RBFOX1: variants seen among roughly 807,000 people sequenced by gnomAD.
The protein encoded by RBFOX1 is RNA binding protein fox-1 homolog 1.
In RBFOX1, 8 loss-of-function variants were observed where a neutral mutation model predicts 57.7. The ratio of observed to expected loss-of-function variants is 0.14; its 90% CI spans 0.08 to 0.25. The LOEUF is 0.25. Ranked by LOEUF, RBFOX1 falls within the 10% of genes least tolerant of loss-of-function variation. RBFOX1 has a pLI of 1.00. For missense variants in RBFOX1, 611 were observed against 548.5 expected, an observed-to-expected ratio of 1.11 and a Z score of -1.14; for synonymous variants, 326 against 222.4, an observed-to-expected ratio of 1.47 and a Z score of -4.15.
intron 2 of RBFOX1, among the ~76,000 whole-genome samples, chr16:6,365,170 G>C (rs1477293826): frequency 6.6e-6 from 1 of 152,188 alleles, no homozygotes; most frequent in Non-Finnish European, 1.5e-5. Context: ...CTATAAATCT[G>C]TCTGGTAGGG....
chr16:5,940,504 A>T (rs58359429), intron 4 of RBFOX1, among the ~76,000 whole-genome samples: 1 of 152,198 alleles, frequency 6.6e-6, no homozygotes, highest in African/African-American at 2.4e-5. Flanking sequence ...GCCCAGATCT[A>T]TGGGGATATT....
At chr16:7,536,605 A>G (rs1183580584) in intron 5 of RBFOX1, among the ~76,000 whole-genome samples, 2 of 152,196 alleles carry the variant, frequency 1.3e-5, no homozygotes, top group Non-Finnish European at 2.9e-5. Context: ...AAAAAATAAT[A>G]ATAATTAATA....
chr16:7,100,921 A>G (rs1450353846), intron 4 of RBFOX1, among the ~76,000 whole-genome samples: 1 of 152,198 alleles, frequency 6.6e-6, no homozygotes, highest in Non-Finnish European at 1.5e-5. Flanking sequence ...TGCAAGTACA[A>G]GGGATTTTTT....
intron 3 of RBFOX1, among the ~76,000 whole-genome samples, chr16:5,773,383 C>A (rs187324123): frequency 6.6e-6 from 1 of 152,228 alleles, no homozygotes; most frequent in Non-Finnish European, 1.5e-5. Context: ...CACATCCATA[C>A]ACACACATTG....
intron 2 of RBFOX1, among the ~76,000 whole-genome samples, chr16:6,422,528 G>C (rs2093805050): frequency 6.6e-6 from 1 of 152,096 alleles, no homozygotes; most frequent in Non-Finnish European, 1.5e-5. Context: ...TTAAAGAAGA[G>C]AGGTCCATGG....
intron 3 of RBFOX1, among the ~76,000 whole-genome samples, chr16:5,739,360 A>T (rs1298388756): frequency 6.6e-6 from 1 of 152,196 alleles, no homozygotes; most frequent in Non-Finnish European, 1.5e-5. Context: ...AGGCACCGGT[A>T]ATACAGCTGT....
chr16:6,971,843 C>G (rs945073495), intron 3 of RBFOX1, among the ~76,000 whole-genome samples: 4 of 152,048 alleles, frequency 2.6e-5, no homozygotes, highest in African/African-American at 9.7e-5. Context: ...AGAGAAGTGT[C>G]TGATGGAAGA....
At chr16:7,033,977 A>G (rs1027541508) in intron 3 of RBFOX1, among the ~76,000 whole-genome samples, 1 of 152,190 alleles carries the variant, frequency 6.6e-6, no homozygotes, top group Admixed American at 6.5e-5. Flanking sequence ...TAAAATGTCT[A>G]AAATAAAATA....
intron 1 of RBFOX1, among the ~76,000 whole-genome samples, chr16:6,081,488 C>T (rs2096001177): frequency 6.6e-6 from 1 of 152,166 alleles, no homozygotes; most frequent in South Asian, 2.1e-4. Context: ...TCTTCCTCCT[C>T]TTCCCCTTTT....
chr16:6,929,315 T>A (rs2076135362), intron 3 of RBFOX1, among the ~76,000 whole-genome samples: 1 of 152,048 alleles, frequency 6.6e-6, no homozygotes, highest in Non-Finnish European at 1.5e-5. Flanking sequence ...GGAAGAGGGG[T>A]TTACCTTGTT....
chr16:5,733,971 G>T (rs1479575919), intron 3 of RBFOX1, among the ~76,000 whole-genome samples: 1 of 151,896 alleles, frequency 6.6e-6, no homozygotes, highest in Non-Finnish European at 1.5e-5. Flanking sequence ...CCCTTCTCCT[G>T]TTCTGATGAC....
intron 2 of RBFOX1, among the ~76,000 whole-genome samples, chr16:6,384,990 T>A (rs2092142967): frequency 6.6e-6 from 1 of 152,162 alleles, no homozygotes; most frequent in East Asian, 1.9e-4. Flanking sequence ...TGGGTGTCAC[T>A]CACCCTATTT....
chr16:6,874,885 A>T (rs1007582385), intron 3 of RBFOX1, among the ~76,000 whole-genome samples: 10 of 152,186 alleles, frequency 6.6e-5, no homozygotes, highest in Non-Finnish European at 1.0e-4. Flanking sequence ...AAGGAACATT[A>T]CCTGTTCCCA....
At chr16:6,940,500 G>A (rs2078189152) in intron 3 of RBFOX1, among the ~76,000 whole-genome samples, 1 of 152,106 alleles carries the variant, frequency 6.6e-6, no homozygotes, top group African/African-American at 2.4e-5. Flanking sequence ...ATTGATGAAG[G>A]GAAGAATAAT....
At chr16:7,613,536 G>T (rs1318790532) in intron 10 of RBFOX1, among the ~76,000 whole-genome samples, 3 of 152,164 alleles carry the variant, frequency 2.0e-5, no homozygotes, top group Non-Finnish European at 4.4e-5. Flanking sequence ...TTGGATCTCA[G>T]TATGAAGTTT....
In RBFOX1 at chr16:6,618,497, A is replaced by G. The variant is rs986143053; in HGVS notation, c.-63-36106A>G. Among the ~76,000 whole-genome samples the G allele has an allele frequency of 7.2e-5, 11 of 152,222 alleles. No homozygotes were observed. The South Asian group carries it at 2.1e-3, about 29-fold the overall frequency. ...ACACACTTCCTGATGTTCATTATAC[A>G]TTTACCACTAGGCGTTTAATGTGGA... On this transcript the variant is annotated intron_variant, in intron 2 of 15. Coordinates refer to ENST00000550418, the MANE Select transcript of RBFOX1 (RefSeq NM_018723.4).
At chr16:6,903,784 G>T (rs1274108578) in intron 3 of RBFOX1, among the ~76,000 whole-genome samples, 4 of 152,188 alleles carry the variant, frequency 2.6e-5, no homozygotes, top group African/African-American at 9.7e-5. Flanking sequence ...TTTCGGAGCT[G>T]CCGCTGCTTA....
At chr16:6,176,831 G>A (rs370251820) in intron 1 of RBFOX1, among the ~76,000 whole-genome samples, 1 of 152,170 alleles carries the variant, frequency 6.6e-6, no homozygotes, top group Non-Finnish European at 1.5e-5. Flanking sequence ...TACTGGGGGA[G>A]TGCTTGCTTC....
In RBFOX1 at chr16:6,712,271, A is replaced by G. The variant is rs2063844269; in HGVS notation, c.-16+57621A>G. On this transcript the variant is annotated intron_variant, in intron 3 of 15. Coordinates refer to ENST00000550418, the MANE Select transcript of RBFOX1 (RefSeq NM_018723.4). ...CTATGAACCCTTAAGTGTCAATGCC[A>G]TCAGTCTACAAGGTGTTGCAACCTT... is the stretch of plus-strand genomic sequence containing the variant. Among the ~76,000 whole-genome samples the G allele has an allele frequency of 2.6e-5, 4 of 152,158 alleles. No individual in the cohort carries two copies. In the South Asian group the frequency reaches 8.3e-4, roughly 32 times the overall value.
Sources: gnomAD v4.1 joint callset for allele counts (sites outside exome capture counted in the v4.1 genomes callset) on GRCh38, gnomAD v4.1.1 for gene constraint, MANE v1.5 for transcripts, NCBI Gene and HGNC (gene_info 2026-07-23, HGNC 2026-07-21) for gene names.